MICAL3: variants seen among roughly 807,000 people sequenced by gnomAD.
The protein encoded by MICAL3 is microtubule associated monooxygenase, calponin and LIM domain containing 3.
A neutral mutation model predicts 207.4 loss-of-function variants in MICAL3; 62 were observed. That is an observed-to-expected ratio of 0.30 (90% CI 0.24 to 0.37). The LOEUF (loss-of-function observed/expected upper bound fraction) is 0.37, where lower values mean the gene tolerates loss of function less well. Ranked by LOEUF, MICAL3 falls within the 10% of genes least tolerant of loss-of-function variation. The pLI is 1.00. For synonymous variants in MICAL3, 1,077 were observed against 1,069.3 expected (o/e 1.01, Z -0.14); for missense variants, 2,368 against 2,635.6 (o/e 0.90, Z 2.22).
At chr22:17,824,481 G>A (rs373636140) in intron 22 of MICAL3, among the ~76,000 whole-genome samples, 2 of 152,220 alleles carry the variant, frequency 1.3e-5, no homozygotes, top group African/African-American at 2.4e-5. Flanking sequence ...CTTGAACAGG[G>A]TGGCAGTTAT....
At chr22:17,877,513 G>GGGAGGTTATGGAGGTTAGGGAGGTTAT in intron 16 of MICAL3, among the ~76,000 whole-genome samples, 1 of 80,920 alleles carries the variant, frequency 1.2e-5, no homozygotes, top group South Asian at 3.7e-4. Context: ...ATGGAGGTTA[G>GGGAGGTTATGGAGGTTAGGGAGGTTAT]GGAGGTTAGG....
intron 19 of MICAL3, among the ~76,000 whole-genome samples, chr22:17,850,365 C>G (rs954447273): frequency 5.5e-5 from 8 of 144,290 alleles, no homozygotes; most frequent in African/African-American, 7.8e-5. Context: ...TGCTCTCACT[C>G]TGTGTGACCC....
rs375771727 is a variant in MICAL3 at position 17,929,976 on chromosome 22, G to A, written c.-74-23090C>T. 1.2e-4 allele frequency among the ~76,000 whole-genome samples: 18 copies of A among 152,150 alleles called. No homozygotes were observed. The East Asian group carries it at 2.5e-3, about 21-fold the overall frequency. ...AGAAAAATTCTGTATAAACCAATAC[G>A]GAAAAAAACAGACACCAAAGGAAAA... On this transcript the variant is annotated intron_variant, in intron 1 of 31. Coordinates refer to ENST00000441493, the MANE Select transcript of MICAL3 (RefSeq NM_015241.3).
rs981870288 is a variant in MICAL3 at position 17,902,446 on chromosome 22, G to A, written c.589+185C>T. On this transcript the variant is annotated intron_variant, in intron 4 of 31. Coordinates refer to ENST00000441493, the MANE Select transcript of MICAL3 (RefSeq NM_015241.3). The surrounding 1 kb of genome is among the most constrained non-coding windows in gnomAD (Gnocchi z 4.5). Reference sequence around the variant, plus strand: ...AAAGAAGCCTTGCAGAGGGCTCACGGGGCCCTTCCCACCACATGTGCGCCT... The same window carrying A: ...AAAGAAGCCTTGCAGAGGGCTCACGAGGCCCTTCCCACCACATGTGCGCCT... Among the ~76,000 whole-genome samples, 1 of 152,146 alleles carries A rather than the reference G, an allele frequency of 6.6e-6. No individual in the cohort carries two copies. Among genetic ancestry groups the A allele is most frequent in the Non-Finnish European group, 1.5e-5 (1 of 68,008 alleles).
chr22:17,864,288 A>T, intron 19 of MICAL3: 1 of 1,076,616 alleles, frequency 9.3e-7, no homozygotes, highest in Non-Finnish European at 1.1e-6. Flanking sequence ...ACCTCATGAC[A>T]AGCCCAGTGG....
intron 15 of MICAL3, among the ~76,000 whole-genome samples, chr22:17,886,750 A>G (rs1247809609): frequency 6.7e-6 from 1 of 149,218 alleles, no homozygotes; most frequent in Non-Finnish European, 1.5e-5. Context: ...GGTTGCAGTG[A>G]GCCGAGATTG....
chr22:17,861,133 C>T (rs375636287), intron 19 of MICAL3: 7 of 985,108 alleles, frequency 7.1e-6, no homozygotes, highest in Non-Finnish European at 1.2e-6. Flanking sequence ...GGGAAGGGGA[C>T]GTGGGAAGCA....
intron 1 of MICAL3, among the ~76,000 whole-genome samples, chr22:17,968,816 G>T (rs9604814): frequency 6.6e-6 from 1 of 152,034 alleles, no homozygotes; most frequent in East Asian, 1.9e-4. Context: ...TTAGCATGGG[G>T]CGACAAACTT....
At chr22:17,996,343 C>G (rs1922275472) in intron 1 of MICAL3, among the ~76,000 whole-genome samples, 1 of 151,262 alleles carries the variant, frequency 6.6e-6, no homozygotes, top group South Asian at 2.1e-4. Flanking sequence ...ACTCGGGAGG[C>G]TGAGGCAGGA....
intron 19 of MICAL3, among the ~76,000 whole-genome samples, chr22:17,859,869 G>A (rs1454033174): frequency 6.6e-5 from 10 of 152,230 alleles, no homozygotes; most frequent in Admixed American, 2.6e-4. Context: ...TGCACCTGAG[G>A]CCCATGGGCA....
In MICAL3 at chr22:17,818,505, G is replaced by C. The variant is rs199868731; in HGVS notation, c.4156C>G (p.Pro1386Ala). Reference sequence around the variant, plus strand: ...GGCTTTGGCAGGCCCAGCCTTTTGGGGATGGACAGAGGCTTGAGAAGGTGG... The same window carrying C: ...GGCTTTGGCAGGCCCAGCCTTTTGGCGATGGACAGAGGCTTGAGAAGGTGG... ...GLHLLKPLSI[P>A]KRLGLPKPEG... Residue 1386 changes from proline to alanine, a missense_variant, in exon 26 of 32, where the codon CCC becomes GCC. By Grantham distance (27) the Pro-to-Ala change is conservative. Transcript: ENST00000441493. The C allele has an allele frequency of 6.2e-7, 1 of 1,613,250 alleles. No homozygotes were observed. The highest frequency in any genetic ancestry group is 8.5e-7 in the Non-Finnish European group (1 of 1,179,880).
In MICAL3 at chr22:17,790,901, TCA is replaced by T; in HGVS notation, c.5838_5839del (p.Glu1947GlyfsTer12). The T allele has an allele frequency of 6.2e-7, 1 of 1,613,776 alleles. No individual in the cohort carries two copies. The highest frequency in any genetic ancestry group is 8.5e-7 in the Non-Finnish European group (1 of 1,179,904). ...CTGCTTCTCTTCTGACAGCTCCTCC[TCA>T]GTCTTAAGGTGATCTTGAAGGAGAA... On this transcript the variant is annotated frameshift_variant, in exon 32 of 32. Coordinates refer to ENST00000441493, the MANE Select transcript of MICAL3 (RefSeq NM_015241.3). LOFTEE classifies it high-confidence loss of function.
In MICAL3 at chr22:17,841,494, C is replaced by T. The variant is rs1037939718; in HGVS notation, c.2801+328G>A. 2.0e-5 allele frequency: 10 copies of T among 508,326 alleles called. No individual in the cohort carries two copies. Among genetic ancestry groups the T allele is most frequent in the East Asian group, 2.9e-5 (1 of 34,200 alleles). 31.5% of individuals were successfully genotyped at this position (508,326 alleles called of 1,614,324 possible). A position where few individuals can be genotyped will look rare whatever the true frequency, so the allele number is the denominator to read the frequency against. On this transcript the variant is annotated intron_variant, in intron 20 of 31. Coordinates refer to ENST00000441493, the MANE Select transcript of MICAL3 (RefSeq NM_015241.3). This position sits in a 1 kb window ranked among gnomAD's most constrained non-coding sequence, Gnocchi z 4.2. ...GGCTGAATCACCCAGAGTCCCTCCC[C>T]GTGTGCCCGTCCTTCCCTCTGCTGA...
intron 10 of MICAL3, 56 bp from the exon 11 acceptor site, chr22:17,893,960 T>C (rs1930603338): frequency 7.6e-7 from 1 of 1,317,590 alleles, no homozygotes; most frequent in Admixed American, 2.0e-5. Context: ...AGTAACAAAT[T>C]CCTACCTAAG....
chr22:17,887,027 A>G lies in MICAL3; in HGVS notation c.2067+143T>C, dbSNP rs576350193. 4 of 475,742 alleles carry G rather than the reference A, an allele frequency of 8.4e-6. No homozygotes were observed. In the South Asian group the frequency reaches 1.7e-4, roughly 20 times the overall value. The allele number at this position is 475,742 out of a possible 1,614,324, so 29.5% of individuals were successfully genotyped here. On this transcript the variant is annotated intron_variant, in intron 15 of 31. Transcript: ENST00000441493. ...AAAAAAAAAAAAAAAGAAAATAAAA[A>G]AAAGAAAAGAAAAAGCCCAACAGAA...
intron 1 of MICAL3, among the ~76,000 whole-genome samples, chr22:17,929,926 A>C (rs924563478): frequency 2.0e-5 from 3 of 152,224 alleles, no homozygotes; most frequent in African/African-American, 7.2e-5. Context: ...ATGTGTAACC[A>C]AGAAAACTCT....
chr22:17,963,136 C>T (rs778043799), intron 1 of MICAL3, among the ~76,000 whole-genome samples: 12 of 152,032 alleles, frequency 7.9e-5, no homozygotes, highest in African/African-American at 2.4e-4. Context: ...ATTTTTGAAA[C>T]GGGTCTCACT....
At chr22:17,876,479 C>T (rs112398310) in intron 16 of MICAL3, 3 of 152,402 alleles carry the variant, frequency 2.0e-5, no homozygotes, top group African/African-American at 4.8e-5. Flanking sequence ...CTTCAACACC[C>T]TCTGCTTGAG....
At chr22:17,928,397 C>A (rs1271063936) in intron 1 of MICAL3, among the ~76,000 whole-genome samples, 3 of 151,332 alleles carry the variant, frequency 2.0e-5, no homozygotes, top group Non-Finnish European at 4.4e-5. Context: ...CAAGATTGCA[C>A]CACTGCACAC....
Sources: gnomAD v4.1 joint callset for allele counts (sites outside exome capture counted in the v4.1 genomes callset) on GRCh38, gnomAD v4.1.1 for gene constraint, Gnocchi (gnomAD v3.1) non-coding constraint, MANE v1.5 for transcripts, NCBI Gene and HGNC (gene_info 2026-07-23, HGNC 2026-07-21) for gene names.